NKAIN2: variants seen among roughly 807,000 people sequenced by gnomAD.
NKAIN2 encodes sodium/potassium-transporting ATPase subunit beta-1-interacting protein 2.
A neutral mutation model predicts 32.6 loss-of-function variants in NKAIN2; 14 were observed. That is an observed-to-expected ratio of 0.43 (90% CI 0.28 to 0.67). NKAIN2 has a LOEUF of 0.67. NKAIN2 is among the 30% of genes least tolerant of loss of function. NKAIN2 has a pLI of 0.17. For synonymous variants in NKAIN2, 80 were observed against 87.2 expected (o/e 0.92, Z 0.46); for missense variants, 198 against 258.3 (o/e 0.77, Z 1.60).
At chr6:124,700,465 A>G (rs1203993632) in intron 4 of NKAIN2, among the ~76,000 whole-genome samples, 1 of 152,194 alleles carries the variant, frequency 6.6e-6, no homozygotes, top group Non-Finnish European at 1.5e-5. Flanking sequence ...AGAAGACTTT[A>G]TGTCCAAAAC....
intron 1 of NKAIN2, among the ~76,000 whole-genome samples, chr6:124,041,568 A>G (rs1401587919): frequency 6.6e-6 from 1 of 152,150 alleles, no homozygotes; most frequent in East Asian, 1.9e-4. Context: ...TTTTATTACA[A>G]TCAGAGGTCG....
chr6:124,761,053 C>T (rs1283287408), intron 4 of NKAIN2, among the ~76,000 whole-genome samples: 1 of 152,128 alleles, frequency 6.6e-6, no homozygotes, highest in Non-Finnish European at 1.5e-5. Context: ...TCTGCATCAT[C>T]AGTAAAGATA....
In NKAIN2 at chr6:124,626,817, C is replaced by CTT. The variant is rs1411449991; in HGVS notation, c.274-31368_274-31367dup. 3.3e-5 allele frequency among the ~76,000 whole-genome samples: 5 copies of CTT among 152,258 alleles called. No homozygotes were observed. In the South Asian group the frequency reaches 1.0e-3, roughly 32 times the overall value. ...GGGCTTAAAAACAGACCTAGTTTTA[C>CTT]TTATCAAGACCTATGTTCTTATTCA... On this transcript the variant is annotated intron_variant, in intron 3 of 6. Transcript: ENST00000368417.
At chr6:123,854,291 G>A (rs1267252633) in intron 1 of NKAIN2, among the ~76,000 whole-genome samples, 1 of 152,080 alleles carries the variant, frequency 6.6e-6, no homozygotes, top group Non-Finnish European at 1.5e-5. Context: ...CAGGACATAA[G>A]GCAGAGCAAT....
chr6:123,983,555 C>G (rs9375302), intron 1 of NKAIN2, among the ~76,000 whole-genome samples: 38,165 of 151,994 alleles, frequency 0.25, 5,364 homozygotes, highest in East Asian at 0.47. Context: ...TGACATTTTC[C>G]ATATTACCAT....
chr6:124,408,541 G>C (rs999331256), intron 3 of NKAIN2, among the ~76,000 whole-genome samples: 1 of 152,128 alleles, frequency 6.6e-6, no homozygotes, highest in African/African-American at 2.4e-5. Context: ...GCTCTGTTCT[G>C]TTCCATTGAT....
intron 2 of NKAIN2, among the ~76,000 whole-genome samples, chr6:124,345,887 G>C (rs1003784934): frequency 6.6e-6 from 1 of 152,088 alleles, no homozygotes; most frequent in African/African-American, 2.4e-5. Context: ...TTTTGAATGT[G>C]TTTGCTCTTG....
At chr6:124,185,582 A>C (rs2114562166) in intron 1 of NKAIN2, among the ~76,000 whole-genome samples, 1 of 152,346 alleles carries the variant, frequency 6.6e-6, no homozygotes, top group South Asian at 2.1e-4. Flanking sequence ...TTATTTAATA[A>C]GAACAATTCC....
intron 3 of NKAIN2, among the ~76,000 whole-genome samples, chr6:124,562,631 A>C (rs1780738097): frequency 6.6e-6 from 1 of 152,206 alleles, no homozygotes; most frequent in Non-Finnish European, 1.5e-5. Context: ...TCATTTAAGA[A>C]CAAAAATAAA....
chr6:124,583,402 T>C (rs909531195), intron 3 of NKAIN2, among the ~76,000 whole-genome samples: 2 of 152,136 alleles, frequency 1.3e-5, no homozygotes, highest in African/African-American at 2.4e-5. Flanking sequence ...TACCTAGGAA[T>C]TGACTTAACC....
At chr6:124,304,955 G>T (rs1471265383) in intron 2 of NKAIN2, among the ~76,000 whole-genome samples, 1 of 151,922 alleles carries the variant, frequency 6.6e-6, no homozygotes, top group African/African-American at 2.4e-5. Context: ...AGATATAATG[G>T]ATAACACAAC....
chr6:124,351,107 T>A (rs1487315214), intron 2 of NKAIN2, among the ~76,000 whole-genome samples: 1 of 152,212 alleles, frequency 6.6e-6, no homozygotes, highest in East Asian at 1.9e-4. Context: ...GTATTTTAGA[T>A]CAAATGAAGG....
At chr6:124,727,342 G>C (rs548634641) in intron 4 of NKAIN2, among the ~76,000 whole-genome samples, 112 of 152,292 alleles carry the variant, frequency 7.4e-4, no homozygotes, top group African/African-American at 2.4e-3. Flanking sequence ...AAGCCCATCA[G>C]ACTAACAGTG....
intron 3 of NKAIN2, among the ~76,000 whole-genome samples, chr6:124,592,322 A>T (rs1480982251): frequency 6.6e-6 from 1 of 152,168 alleles, no homozygotes; most frequent in Non-Finnish European, 1.5e-5. Context: ...TATTTTCTTC[A>T]CTGGTATCTA....
intron 1 of NKAIN2, among the ~76,000 whole-genome samples, chr6:123,817,361 G>A (rs1773737065): frequency 6.6e-6 from 1 of 152,112 alleles, no homozygotes; most frequent in South Asian, 2.1e-4. Context: ...GACAACCAAA[G>A]TGTCTCTAGA....
chr6:124,282,759 A>G (rs1189179368), intron 1 of NKAIN2, among the ~76,000 whole-genome samples: 1 of 152,180 alleles, frequency 6.6e-6, no homozygotes, highest in Non-Finnish European at 1.5e-5. Context: ...CATCTTGTGA[A>G]TACTGCTTGA....
At chr6:124,082,776 G>C (rs1562347734) in intron 1 of NKAIN2, among the ~76,000 whole-genome samples, 1 of 151,836 alleles carries the variant, frequency 6.6e-6, no homozygotes, top group Non-Finnish European at 1.5e-5. Flanking sequence ...ATCCAAATAG[G>C]ATTTTACAAA....
At chr6:124,640,952 A>G (rs1783963330) in intron 3 of NKAIN2, among the ~76,000 whole-genome samples, 1 of 152,076 alleles carries the variant, frequency 6.6e-6, no homozygotes, top group Non-Finnish European at 1.5e-5. Flanking sequence ...GATCACCTTA[A>G]AACAAAATTC....
At chr6:124,755,956 A>G (rs1244927642) in intron 4 of NKAIN2, among the ~76,000 whole-genome samples, 1 of 152,130 alleles carries the variant, frequency 6.6e-6, no homozygotes, top group Non-Finnish European at 1.5e-5. Context: ...CTCTGGCTAA[A>G]GACTGTGTCT....
Sources: gnomAD v4.1 joint callset for allele counts (sites outside exome capture counted in the v4.1 genomes callset) on GRCh38, gnomAD v4.1.1 for gene constraint, MANE v1.5 for transcripts, NCBI Gene and HGNC (gene_info 2026-07-23, HGNC 2026-07-21) for gene names.